The following ZFPM2 variants were observed in gnomAD, a reference collection of about 807,000 sequenced individuals.
ZFPM2 encodes zinc finger protein, FOG family member 2.
In ZFPM2, 20 loss-of-function variants were observed where a neutral mutation model predicts 98.6. That is an observed-to-expected ratio of 0.20 (90% CI 0.14 to 0.29). ZFPM2 has a LOEUF of 0.29. ZFPM2 is among the 10% of genes least tolerant of loss of function. ZFPM2 has a pLI of 1.00. For synonymous variants in ZFPM2, 518 were observed against 502.7 expected (o/e 1.03, Z -0.41); for missense variants, 1,310 against 1,388.6 (o/e 0.94, Z 0.90).
At chr8:105,397,276 A>G (rs1458121086) in intron 1 of ZFPM2, among the ~76,000 whole-genome samples, 2 of 152,180 alleles carry the variant, frequency 1.3e-5, no homozygotes, top group Non-Finnish European at 2.9e-5. Context: ...TATAAAAGGG[A>G]ACCGCTTTAA....
chr8:105,661,016 G>C (rs1817377889), intron 5 of ZFPM2, among the ~76,000 whole-genome samples: 1 of 152,118 alleles, frequency 6.6e-6, no homozygotes, highest in South Asian at 2.1e-4. Flanking sequence ...CCAGGTAAAA[G>C]GTGCATGGGG....
At chr8:105,352,563 A>C (rs920609204) in intron 1 of ZFPM2, among the ~76,000 whole-genome samples, 1 of 151,372 alleles carries the variant, frequency 6.6e-6, no homozygotes, top group African/African-American at 2.4e-5. Context: ...CGACTAAAAG[A>C]CATCCAGAAG....
chr8:105,681,907 G>C (rs1203341090), intron 5 of ZFPM2, among the ~76,000 whole-genome samples: 1 of 151,884 alleles, frequency 6.6e-6, no homozygotes, highest in Non-Finnish European at 1.5e-5. Context: ...ACTCTATGAA[G>C]GCTGTTACCC....
At chr8:105,400,507 A>C (rs1294332832) in intron 1 of ZFPM2, among the ~76,000 whole-genome samples, 2 of 152,090 alleles carry the variant, frequency 1.3e-5, no homozygotes, top group Non-Finnish European at 2.9e-5. Flanking sequence ...TTATTTTTTA[A>C]ATGATACAAA....
At chr8:105,405,991 A>ATT (rs1190524097) in intron 1 of ZFPM2, among the ~76,000 whole-genome samples, 4 of 152,060 alleles carry the variant, frequency 2.6e-5, no homozygotes, top group Non-Finnish European at 5.9e-5. Context: ...GTGAGATGGT[A>ATT]TCTCATTGTG....
chr8:105,689,620 G>C (rs75278957), intron 5 of ZFPM2, among the ~76,000 whole-genome samples: 6,613 of 152,256 alleles, frequency 0.043, 184 homozygotes, highest in Middle Eastern at 0.14. Context: ...TGTTGAATCA[G>C]GGACATGATT....
At chr8:105,469,619 A>G (rs1390666050) in intron 3 of ZFPM2, among the ~76,000 whole-genome samples, 1 of 152,202 alleles carries the variant, frequency 6.6e-6, no homozygotes, top group East Asian at 1.9e-4. Flanking sequence ...AAGTCCCTTA[A>G]TCTTTATGTG....
chr8:105,705,879 G>A (rs1811247110), intron 5 of ZFPM2, among the ~76,000 whole-genome samples: 1 of 152,176 alleles, frequency 6.6e-6, no homozygotes, highest in South Asian at 2.1e-4. Flanking sequence ...TGATGGGGCA[G>A]AGAGACTGCA....
intron 4 of ZFPM2, among the ~76,000 whole-genome samples, chr8:105,567,958 T>C (rs1456401260): frequency 2.0e-5 from 3 of 152,050 alleles, no homozygotes; most frequent in Admixed American, 6.6e-5. Flanking sequence ...TCCTTCTTAA[T>C]ATTCATTTTA....
In ZFPM2 at chr8:105,561,262, A is replaced by G. The variant is rs1236587228; in HGVS notation, c.302-101A>G. ...AGCATAATTAATTCTCTTTATATGA[A>G]TCCTGAGAATATCATGTGTGTAAAG... On this transcript the variant is annotated intron_variant, in intron 3 of 7. Transcript: ENST00000407775. 5 of 870,770 alleles carry G rather than the reference A, an allele frequency of 5.7e-6. No homozygotes were observed. In the Admixed American group the frequency reaches 8.1e-5, roughly 14 times the overall value. The allele number at this position is 870,770 out of a possible 1,614,324, so 53.9% of individuals were successfully genotyped here.
At chr8:105,543,286 G>A (rs1814620055) in intron 3 of ZFPM2, among the ~76,000 whole-genome samples, 1 of 152,126 alleles carries the variant, frequency 6.6e-6, no homozygotes, top group African/African-American at 2.4e-5. Flanking sequence ...AGGAGTTTGA[G>A]GCCAGCCTGG....
At chr8:105,656,329 C>A (rs184961715) in intron 5 of ZFPM2, among the ~76,000 whole-genome samples, 109 of 152,288 alleles carry the variant, frequency 7.2e-4, no homozygotes, top group Admixed American at 1.2e-3. Flanking sequence ...TTAGGTTTTT[C>A]TTCTGTAACT....
intron 5 of ZFPM2, among the ~76,000 whole-genome samples, chr8:105,749,521 A>G (rs1033640231): frequency 1.3e-5 from 2 of 151,994 alleles, no homozygotes; most frequent in Non-Finnish European, 2.9e-5. Context: ...CCCCTTGCGT[A>G]CTTTGCAGGA....
intron 3 of ZFPM2, among the ~76,000 whole-genome samples, chr8:105,454,677 T>A (rs755811786): frequency 7.9e-5 from 12 of 152,236 alleles, no homozygotes; most frequent in Non-Finnish European, 1.3e-4. Context: ...TTTGTCATTT[T>A]TTATGTGAAT....
At chr8:105,411,555 C>T (rs1386738919) in intron 1 of ZFPM2, among the ~76,000 whole-genome samples, 3 of 151,628 alleles carry the variant, frequency 2.0e-5, no homozygotes, top group Non-Finnish European at 2.9e-5. Flanking sequence ...TATATAATGC[C>T]TTTCATCGTT....
intron 4 of ZFPM2, among the ~76,000 whole-genome samples, chr8:105,581,112 A>G (rs1195623912): frequency 2.0e-5 from 3 of 152,086 alleles, no homozygotes; most frequent in African/African-American, 7.2e-5. Flanking sequence ...GTAAGTAGCA[A>G]TGGATTTTAT....
At position 105,613,319 on chromosome 8, in the gene ZFPM2, A is replaced by G. The variant is rs1816345241; in HGVS notation, c.421-20927A>G. Among the ~76,000 whole-genome samples the G allele has an allele frequency of 2.6e-5, 4 of 152,136 alleles. No individual in the cohort carries two copies. The South Asian group carries it at 8.3e-4, about 32-fold the overall frequency. ...GAAGAAGACGGGGCTGGGAGGAGTG[A>G]GAACCCATAAAAGAACACTGGAGAA... is the stretch of plus-strand genomic sequence containing the variant. On this transcript the variant is annotated intron_variant, in intron 4 of 7. Coordinates refer to ENST00000407775, the MANE Select transcript of ZFPM2 (RefSeq NM_012082.4).
chr8:105,766,849 G>T (rs1812864550), intron 5 of ZFPM2, among the ~76,000 whole-genome samples: 1 of 151,752 alleles, frequency 6.6e-6, no homozygotes. Flanking sequence ...TGTTAAATTT[G>T]TTACTAAAAT....
chr8:105,617,003 G>A (rs900800123), intron 4 of ZFPM2, among the ~76,000 whole-genome samples: 2 of 103,582 alleles, frequency 1.9e-5, no homozygotes, highest in African/African-American at 7.6e-5. Flanking sequence ...GGGGACTACT[G>A]AGCAAGACTC....
Sources: allele counts gnomAD v4.1 joint callset (sites outside exome capture counted in the v4.1 genomes callset), GRCh38; gene constraint gnomAD v4.1.1; transcripts MANE v1.5; gene names NCBI Gene and HGNC (gene_info 2026-07-23, HGNC 2026-07-21).